Variants in B4GALNT4 observed in about 807,000 individuals in gnomAD.
B4GALNT4 encodes N-acetyl-beta-glucosaminyl-glycoprotein 4-beta-N-acetylgalactosaminyltransferase 1.
Under a neutral mutation model 110.0 loss-of-function variants are expected in B4GALNT4, and 77 were observed. That is an observed-to-expected ratio of 0.70 (90% CI 0.58 to 0.85). The LOEUF (loss-of-function observed/expected upper bound fraction) is 0.85. Among genes scored for constraint, B4GALNT4 ranks in the 40% least tolerant of loss-of-function variants. The pLI, the probability that B4GALNT4 is intolerant of heterozygous loss-of-function variation, is 0.00. For missense variants in B4GALNT4, 1,575 were observed against 1,506.0 expected, an observed-to-expected ratio of 1.05 and a Z score of -0.76; for synonymous variants, 785 against 655.5, an observed-to-expected ratio of 1.20 and a Z score of -3.02.
At chr11:373,419 C>CGCGA in intron 6 of B4GALNT4, 30 bp from the exon 7 acceptor site, 1 of 1,080,028 alleles carries the variant, frequency 9.3e-7, no homozygotes, top group Non-Finnish European at 1.3e-6. Context: ...CCCCCCCCCC[C>CGCGA]ACCACCACCC....
In B4GALNT4 at chr11:369,994, C is replaced by CGCGGGG. The variant is rs1564866406; in HGVS notation, c.151+41_151+42insCGGGGG. On this transcript the variant is annotated intron_variant, in intron 1 of 19. Transcript: ENST00000329962. The stretch of plus-strand genomic sequence containing the variant: ...GCGCGGGGGGCGCGGGGGGCGGGGG[C>CGCGGGG]GGCGCGGGGGGCGCGGGGGGCGCGG... The CGCGGGG allele has an allele frequency of 6.3e-4, 39 of 61,578 alleles. 1 individual carries two copies. The East Asian group carries it at 0.014, about 22-fold the overall frequency. 3.8% of individuals were successfully genotyped at this position (61,578 alleles called of 1,614,324 possible).
At position 375,838 on chromosome 11, in the gene B4GALNT4, C is replaced by A. The variant is rs1426216607; in HGVS notation, c.986-9C>A. ...TGCCCCAGCCACCCTGTGACCGCAC[C>A]TCCTGCAGCTCCACGCATGGAATCT... On this transcript the variant is annotated splice_polypyrimidine_tract_variant and intron_variant, in intron 10 of 19. Coordinates refer to ENST00000329962, the MANE Select transcript of B4GALNT4 (RefSeq NM_178537.5). The A allele has an allele frequency of 1.9e-6, 3 of 1,607,758 alleles. No homozygotes were observed. The highest frequency in any genetic ancestry group is 1.7e-6 in the Non-Finnish European group (2 of 1,178,580).
In B4GALNT4 at chr11:377,088, G is replaced by A. The variant is rs1398801021; in HGVS notation, c.1965G>A (p.Pro655=). ...AGGAAGGGGAGGACGATGGGGCCCCGGGCGACGAGGCCGCGTCGGAGGACA... is the reference window on the plus strand; with the variant it reads ...AGGAAGGGGAGGACGATGGGGCCCCAGGCGACGAGGCCGCGTCGGAGGACA... ...EEEEGEDDGA[P]GDEAASEDSE... The change falls in exon 14 of 20, where the codon CCG becomes CCA. Residue 655 remains proline (P), a synonymous_variant. Transcript: ENST00000329962. 4 of 1,451,658 alleles carry A rather than the reference G, an allele frequency of 2.8e-6. No individual in the cohort carries two copies. The highest frequency in any genetic ancestry group is 3.6e-6 in the Non-Finnish European group (4 of 1,102,504). 89.9% of individuals were successfully genotyped at this position (1,451,658 alleles called of 1,614,324 possible).
rs1182237200 is a variant in B4GALNT4 at position 372,162 on chromosome 11, T to C, written c.205T>C (p.Ser69Pro). 2 of 1,549,794 alleles carry C rather than the reference T, an allele frequency of 1.3e-6. No homozygotes were observed. Among genetic ancestry groups the C allele is most frequent in the Non-Finnish European group, 1.7e-6 (2 of 1,146,786 alleles). ...TDGRGVHAAP[S>P]TQRAEDSSES... is the part of the protein sequence containing the mutation. ...CGGCCGGGGGGTCCACGCTGCGCCA[T>C]CCACACAGAGGGCTGAGGACTCCAG... Residue 69 changes from serine (S) to proline (P), a missense_variant, in exon 2 of 20, where the codon TCC becomes CCC. Transcript: ENST00000329962.
chr11:370,021 C>CGCGGGCGGCGCGGGG (rs1564866504), intron 1 of B4GALNT4, 67 bp downstream of exon 1: 1 of 39,750 alleles, frequency 2.5e-5, no homozygotes, highest in East Asian at 1.1e-3. Flanking sequence ...GGGGCGCGGG[C>CGCGGGCGGCGCGGGG]GGCGCGGGGG....
rs1173857026 is a variant in B4GALNT4 at position 369,555 on chromosome 11, G to A, written c.-249G>A. Among the ~76,000 whole-genome samples, 2 of 143,816 alleles carry A rather than the reference G, an allele frequency of 1.4e-5. No homozygotes were observed. Among genetic ancestry groups the A allele is most frequent in the Non-Finnish European group, 3.1e-5 (2 of 64,994 alleles). 94.3% of individuals were successfully genotyped at this position (143,816 alleles called of 152,430 possible). ...GTCCCGCCGCCGCCCCAGGAGCGCG[G>A]AGCCGGGAGCGGCCGGGCGGGGGGC... On this transcript the variant is annotated 5_prime_UTR_variant, in exon 1 of 20. Transcript: ENST00000329962.
At chr11:380,102 G>T in intron 16 of B4GALNT4, 28 bp from the exon 17 acceptor site, 1 of 1,594,208 alleles carries the variant, frequency 6.3e-7, no homozygotes, top group Non-Finnish European at 8.6e-7. Context: ...CACCCCCAGA[G>T]ATCGTGCCTG....
At chr11:375,167 T>A (rs151292989) in intron 8 of B4GALNT4, among the ~76,000 whole-genome samples, 14,274 of 17,744 alleles carry the variant, frequency 0.8, 5,632 homozygotes, top group East Asian at 0.96. Context: ...GGGAGGGAGG[T>A]GGAAGGGAGG....
chr11:379,905 A>T lies in B4GALNT4; in HGVS notation c.2528A>T (p.Asp843Val). 6.2e-7 allele frequency: 1 copy of T among 1,608,272 alleles called. No individual in the cohort carries two copies. The highest frequency in any genetic ancestry group is 8.5e-7 in the Non-Finnish European group (1 of 1,178,776). The change falls in exon 16 of 20, where the codon GAC (aspartate) becomes GTC (valine). Residue 843 changes from aspartate (D) to valine (V), a missense_variant. Asp to Val is a radical substitution (Grantham distance 152). Transcript: ENST00000329962. The part of the protein sequence containing the change: ...QARWVAQFLA[D>V]MAALHARTGD... Reference sequence around the variant, plus strand: ...CGGTGGGTGGCACAGTTCCTGGCGGACATGGCTGCGCTGCACGCGCGCACC... The same window carrying T: ...CGGTGGGTGGCACAGTTCCTGGCGGTCATGGCTGCGCTGCACGCGCGCACC...
In B4GALNT4 at chr11:379,707, C is replaced by T; in HGVS notation, c.2488+6C>T. 6.7e-7 allele frequency: 1 copy of T among 1,501,492 alleles called. No homozygotes were observed. The highest frequency in any genetic ancestry group is 8.9e-7 in the Non-Finnish European group (1 of 1,127,900). The allele number at this position is 1,501,492 out of a possible 1,614,324, so 93.0% of individuals were successfully genotyped here. A position where few individuals can be genotyped will look rare whatever the true frequency, so the allele number is the denominator to read the frequency against. On this transcript the variant is annotated splice_donor_region_variant and intron_variant, in intron 15 of 19. Transcript: ENST00000329962. ...GGTTCACTTCATCGTGCCAGGTTCGCAGGGCGGGCTCGGGGTGTCCGGGAG... is the reference window on the plus strand; with the variant it reads ...GGTTCACTTCATCGTGCCAGGTTCGTAGGGCGGGCTCGGGGTGTCCGGGAG...
In B4GALNT4 at chr11:382,101, AT is replaced by A. The variant is rs772155774; in HGVS notation, c.*317del. 2.5e-4 allele frequency: 57 copies of A among 231,634 alleles called. No homozygotes were observed. The highest frequency in any genetic ancestry group is 5.4e-4 in the East Asian group (5 of 9,304). The allele number at this position is 231,634 out of a possible 1,614,324, so 14.3% of individuals were successfully genotyped here. A position where few individuals can be genotyped will look rare whatever the true frequency, so the allele number is the denominator to read the frequency against. ...TTTTTTATTCAGAATGAAATGAAATATTTTTTTTAGTTCTGACTAGTCCTCT... is the reference window on the plus strand; with the variant it reads ...TTTTTTATTCAGAATGAAATGAAATATTTTTTTAGTTCTGACTAGTCCTCT... On this transcript the variant is annotated 3_prime_UTR_variant, in exon 20 of 20. Transcript: ENST00000329962.
At chr11:378,595 G>A (rs979871332) in intron 14 of B4GALNT4, among the ~76,000 whole-genome samples, 3 of 152,186 alleles carry the variant, frequency 2.0e-5, no homozygotes, top group Admixed American at 6.5e-5. Flanking sequence ...ACAGGTGGGC[G>A]TCCCCCAGTG....
At chr11:381,340 C>T (rs1846871865) in intron 19 of B4GALNT4, among the ~76,000 whole-genome samples, 2 of 146,076 alleles carry the variant, frequency 1.4e-5, no homozygotes, top group African/African-American at 2.5e-5. Context: ...TCTCCGCCCC[C>T]GGCCCCGGGG....
In B4GALNT4 at chr11:379,698, C is replaced by A. The variant is rs757053625; in HGVS notation, c.2485C>A (p.Pro829Thr). The A allele has an allele frequency of 4.0e-6, 6 of 1,501,440 alleles. No individual in the cohort carries two copies. Among genetic ancestry groups the A allele is most frequent in the Non-Finnish European group, 5.3e-6 (6 of 1,128,022 alleles). 93.0% of individuals were successfully genotyped at this position (1,501,440 alleles called of 1,614,324 possible). ...RQDVMVHFIV[P>T]VKNQARWVAQ... The stretch of plus-strand genomic sequence containing the variant: ...GGACGTGATGGTTCACTTCATCGTG[C>A]CAGGTTCGCAGGGCGGGCTCGGGGT... The change falls in exon 15 of 20, where the codon CCA becomes ACA. Residue 829 changes from proline to threonine, a missense_variant. Transcript: ENST00000329962.
In B4GALNT4 at chr11:376,657, C is replaced by T; in HGVS notation, c.1534C>T (p.Pro512Ser). The T allele has an allele frequency of 7.0e-7, 1 of 1,430,812 alleles. No homozygotes were observed. The highest frequency in any genetic ancestry group is 9.1e-7 in the Non-Finnish European group (1 of 1,094,562). 88.6% of individuals were successfully genotyped at this position (1,430,812 alleles called of 1,614,324 possible). The change falls in exon 14 of 20, where the codon CCG (proline) becomes TCG (serine). Residue 512 changes from proline (P) to serine (S), a missense_variant. Physicochemically the swap from Pro to Ser is moderately conservative, Grantham distance 74 (BLOSUM62 -1). Coordinates refer to ENST00000329962, the MANE Select transcript of B4GALNT4 (RefSeq NM_178537.5). ...RPLPLFLGRA[P>S]PPRPAVEQPP... is the part of the protein sequence containing the mutation. Reference sequence around the variant, plus strand: ...TTTGCCGCTCTTCTTGGGCCGAGCTCCGCCCCCGCGCCCTGCAGTGGAGCA... The same window carrying T: ...TTTGCCGCTCTTCTTGGGCCGAGCTTCGCCCCCGCGCCCTGCAGTGGAGCA...
Position 372,248 on chromosome 11 carries a change from A to C in B4GALNT4, c.255+36A>C, listed in dbSNP as rs900686288. 3 of 1,534,368 alleles carry C rather than the reference A, an allele frequency of 2.0e-6. No individual in the cohort carries two copies. In the African/African-American group the frequency reaches 4.1e-5, roughly 21 times the overall value. ...CCCTGGGGAGAACACGTGTGCACGG[A>C]GACGAGACCCCGAAGCCACTTGTGT... On this transcript the variant is annotated intron_variant, in intron 2 of 19. Coordinates refer to ENST00000329962, the MANE Select transcript of B4GALNT4 (RefSeq NM_178537.5).
Position 372,059 on chromosome 11 carries a change from G to A in B4GALNT4, c.152-50G>A, listed in dbSNP as rs1414495290. On this transcript the variant is annotated intron_variant, in intron 1 of 19. Transcript: ENST00000329962. ...AGCTGAACCCAGCAGCAGGCAGAATGGCCTTGGAGAGAGCCTGGGCCCGAG... is the reference window on the plus strand; with the variant it reads ...AGCTGAACCCAGCAGCAGGCAGAATAGCCTTGGAGAGAGCCTGGGCCCGAG... 7.5e-6 allele frequency: 11 copies of A among 1,463,186 alleles called. 1 individual carries two copies. The Admixed American group carries it at 8.0e-5, about 11-fold the overall frequency. 90.6% of individuals were successfully genotyped at this position (1,463,186 alleles called of 1,614,324 possible). A position where few individuals can be genotyped will look rare whatever the true frequency, so the allele number is the denominator to read the frequency against.
intron 2 of B4GALNT4, 102 bp downstream of exon 2, chr11:372,314 A>G (rs1177105072): frequency 4.0e-5 from 43 of 1,062,594 alleles, no homozygotes; most frequent in Non-Finnish European, 5.8e-5. Flanking sequence ...AGGACGCAGC[A>G]GGGGGCATGA....
Position 375,515 on chromosome 11 carries a change from TC to T in B4GALNT4, c.841del (p.Leu281CysfsTer8). ...CGAGGTCATCAGCTCTGCTCACATCTCCCTGTACACAGGTGCGAGCGGACGC... is the reference window on the plus strand; with the variant it reads ...CGAGGTCATCAGCTCTGCTCACATCTCCTGTACACAGGTGCGAGCGGACGC... ...KFEVISSAHISLYTDESALKM... is the reference protein window; with the variant it reads ...KFEVISSAHIXLYTDESALKM... On this transcript the variant is annotated frameshift_variant, in exon 9 of 20. Transcript: ENST00000329962. LOFTEE classifies it high-confidence loss of function. 1 of 1,611,330 alleles carries T rather than the reference TC, an allele frequency of 6.2e-7. No individual in the cohort carries two copies.
Sources: gnomAD v4.1 joint callset for allele counts (sites outside exome capture counted in the v4.1 genomes callset) on GRCh38, gnomAD v4.1.1 for gene constraint, MANE v1.5 for transcripts, NCBI Gene and HGNC (gene_info 2026-07-23, HGNC 2026-07-21) for gene names.